SFXN1: variants seen among roughly 807,000 people sequenced by gnomAD.
SFXN1 encodes sideroflexin-1.
Under a neutral mutation model 39.5 loss-of-function variants are expected in SFXN1, and 32 were observed. That is an observed-to-expected ratio of 0.81 (90% CI 0.61 to 1.09). The LOEUF is 1.09. Ranked by LOEUF, SFXN1 falls within the 50% of genes least tolerant of loss-of-function variation. SFXN1 has a pLI of 0.00. For missense variants in SFXN1, 402 were observed against 407.1 expected, an observed-to-expected ratio of 0.99 and a Z score of 0.11; for synonymous variants, 136 against 146.5, an observed-to-expected ratio of 0.93 and a Z score of 0.52.
At chr5:175,480,746 C>A (rs1053963121) in intron 1 of SFXN1, among the ~76,000 whole-genome samples, 2 of 147,852 alleles carry the variant, frequency 1.4e-5, no homozygotes, top group Admixed American at 1.3e-4. Context: ...TAAGAGCAGA[C>A]CCGTCATCAA....
At position 175,513,505 on chromosome 5, in the gene SFXN1, C is replaced by A. The variant is rs778679266; in HGVS notation, c.639C>A (p.Asn213Lys). The change falls in exon 7 of 11, where the codon AAC (asparagine) becomes AAA (lysine). Residue 213 changes from asparagine to lysine, a missense_variant. Asn to Lys is a moderately conservative substitution (Grantham distance 94). Coordinates refer to ENST00000321442, the MANE Select transcript of SFXN1 (RefSeq NM_022754.7). ...TTCCCGTCACGGATGAGAATGGGAA[C>A]CGCTTGGGGGAGTCGGCGAACGCTG... ...VGIPVTDENG[N>K]RLGESANAAK... The A allele has an allele frequency of 1.9e-6, 3 of 1,613,868 alleles. No individual in the cohort carries two copies. Among genetic ancestry groups the A allele is most frequent in the Non-Finnish European group, 2.5e-6 (3 of 1,179,956 alleles).
intron 2 of SFXN1, among the ~76,000 whole-genome samples, chr5:175,496,903 T>TA (rs1759878635): frequency 6.6e-6 from 1 of 152,020 alleles, no homozygotes; most frequent in East Asian, 1.9e-4. Context: ...TCTTTCTTTT[T>TA]TTTTTTGAGA....
At position 175,527,092 on chromosome 5, in the gene SFXN1, G is replaced by T. The variant is rs528065166; in HGVS notation, c.*358G>T. 50 of 185,108 alleles carry T rather than the reference G, an allele frequency of 2.7e-4. No individual in the cohort carries two copies. The South Asian group carries it at 3.1e-3, about 12-fold the overall frequency. 11.5% of individuals were successfully genotyped at this position (185,108 alleles called of 1,614,324 possible). A position where few individuals can be genotyped will look rare whatever the true frequency, so the allele number is the denominator to read the frequency against. On this transcript the variant is annotated 3_prime_UTR_variant, in exon 11 of 11. Transcript: ENST00000321442. ...TAAATGTTCTATTGATTATCAATCA[G>T]TGAAAAAAGAAATCTGTTTAAAATA...
At chr5:175,526,197 C>A (rs1243280231) in intron 10 of SFXN1, among the ~76,000 whole-genome samples, 1 of 136,954 alleles carries the variant, frequency 7.3e-6, no homozygotes, top group Non-Finnish European at 1.5e-5. Flanking sequence ...ATACAGTAAA[C>A]AAAAGCACAT....
chr5:175,513,324 A>T, intron 6 of SFXN1, 139 bp from the exon 7 acceptor site: 1 of 320,060 alleles, frequency 3.1e-6, no homozygotes, highest in Non-Finnish European at 5.1e-6. Context: ...AAAAAAAAAA[A>T]CAGATGTGTC....
chr5:175,495,102 A>G (rs1418583485), intron 2 of SFXN1, among the ~76,000 whole-genome samples: 1 of 152,250 alleles, frequency 6.6e-6, no homozygotes, highest in Non-Finnish European at 1.5e-5. Context: ...AATCCCATAC[A>G]ATGAAATAGC....
chr5:175,507,824 T>C (rs1258974698), intron 2 of SFXN1, among the ~76,000 whole-genome samples: 1 of 151,914 alleles, frequency 6.6e-6, no homozygotes, highest in Non-Finnish European at 1.5e-5. Context: ...TGCAAAAAAA[T>C]TAACCAGGCA....
intron 2 of SFXN1, among the ~76,000 whole-genome samples, chr5:175,502,349 T>C (rs986009758): frequency 7.2e-5 from 11 of 152,110 alleles, no homozygotes; most frequent in South Asian, 4.2e-4. Context: ...GGGGGTGTTA[T>C]CAATTTTGTT....
intron 1 of SFXN1, among the ~76,000 whole-genome samples, chr5:175,480,318 C>A (rs891219863): frequency 1.3e-5 from 2 of 151,946 alleles, no homozygotes. Flanking sequence ...GGAGAATGGC[C>A]TGAACCCGGG....
At chr5:175,484,721 C>T (rs1050997295) in intron 1 of SFXN1, among the ~76,000 whole-genome samples, 1 of 152,244 alleles carries the variant, frequency 6.6e-6, no homozygotes, top group Non-Finnish European at 1.5e-5. Context: ...TGTCAGCGCG[C>T]TTGCTAGACC....
rs1759390525 is a variant in SFXN1, at chr5:175,484,833, T to C, written c.-10+6194T>C. ...ACCTCAGTCTCCCAAGTAGCCAGGA[T>C]TACAGGTGCGCACCACCACGCTCAG... On this transcript the variant is annotated intron_variant, in intron 1 of 10. Coordinates refer to ENST00000321442, the MANE Select transcript of SFXN1 (RefSeq NM_022754.7). Among the ~76,000 whole-genome samples, 7 of 152,190 alleles carry C rather than the reference T, an allele frequency of 4.6e-5. No homozygotes were observed. The South Asian group carries it at 1.4e-3, about 31-fold the overall frequency.
At chr5:175,483,045 CTT>C (rs1207721500) in intron 1 of SFXN1, among the ~76,000 whole-genome samples, 1 of 152,122 alleles carries the variant, frequency 6.6e-6, no homozygotes, top group Non-Finnish European at 1.5e-5. Flanking sequence ...AATAAAAAGA[CTT>C]TGAGAAATCT....
At chr5:175,496,194 G>A (rs1329075275) in intron 2 of SFXN1, among the ~76,000 whole-genome samples, 2 of 151,826 alleles carry the variant, frequency 1.3e-5, no homozygotes, top group East Asian at 1.9e-4. Flanking sequence ...CACCACTCCC[G>A]GCCTTAAAAG....
rs145465540 is a variant in SFXN1, at chr5:175,499,751, G to A, written c.164+7484G>A. ...GAGCAAGGCAAGGATTTCTGCTCTC[G>A]TTAACTTTTCTTCAGCATTGTGCTA... On this transcript the variant is annotated intron_variant, in intron 2 of 10. Coordinates refer to ENST00000321442, the MANE Select transcript of SFXN1 (RefSeq NM_022754.7). Among the ~76,000 whole-genome samples the A allele has an allele frequency of 2.1e-3, 317 of 152,302 alleles. 3 individuals carry two copies. The highest frequency in any genetic ancestry group is 7.0e-3 in the African/African-American group (290 of 41,572).
intron 2 of SFXN1, among the ~76,000 whole-genome samples, chr5:175,494,677 G>A (rs567479128): frequency 6.6e-6 from 1 of 151,960 alleles, no homozygotes; most frequent in South Asian, 2.1e-4. Context: ...GCTTGAACCT[G>A]GGAGGCAGAG....
chr5:175,492,008 C>A, intron 1 of SFXN1, 87 bp from the exon 2 acceptor site: 1 of 967,872 alleles, frequency 1.0e-6, no homozygotes, highest in Non-Finnish European at 1.5e-6. Context: ...TACATATTTA[C>A]TCAAAAATTT....
chr5:175,493,503 C>T (rs1375798804), intron 2 of SFXN1, among the ~76,000 whole-genome samples: 1 of 152,066 alleles, frequency 6.6e-6, no homozygotes, highest in East Asian at 1.9e-4. Flanking sequence ...TGCCATGTGC[C>T]AATGTGCGTA....
At chr5:175,511,386 T>G in intron 4 of SFXN1, 65 bp from the exon 5 acceptor site, 1 of 1,183,218 alleles carries the variant, frequency 8.5e-7, no homozygotes, top group Non-Finnish European at 1.3e-6. Flanking sequence ...TTTCTTCAAA[T>G]AATGTTGCAC....
chr5:175,503,539 T>C (rs1223981789), intron 2 of SFXN1, among the ~76,000 whole-genome samples: 2 of 152,216 alleles, frequency 1.3e-5, no homozygotes, highest in African/African-American at 2.4e-5. Context: ...TCTTGATAGA[T>C]GCCCAAAAGA....
Sources: allele counts gnomAD v4.1 joint callset (sites outside exome capture counted in the v4.1 genomes callset), GRCh38; gene constraint gnomAD v4.1.1; transcripts MANE v1.5; gene names NCBI Gene and HGNC (gene_info 2026-07-23, HGNC 2026-07-21).